NOL4: variants seen among roughly 807,000 people sequenced by gnomAD.
NOL4 encodes the protein cancer/testis antigen 125.
Under a neutral mutation model 75.9 loss-of-function variants are expected in NOL4, and 17 were observed. The observed-to-expected ratio is 0.22, with a 90% CI of 0.15 to 0.34. The LOEUF (loss-of-function observed/expected upper bound fraction) is 0.34, where lower values mean the gene tolerates loss of function less well. Ranked by LOEUF, NOL4 falls within the 10% of genes least tolerant of loss-of-function variation. The pLI is 1.00. For synonymous variants in NOL4, 292 were observed against 289.9 expected (o/e 1.01, Z -0.07); for missense variants, 614 against 793.5 (o/e 0.77, Z 2.72).
At chr18:33,905,136 T>C (rs2065958548) in intron 9 of NOL4, among the ~76,000 whole-genome samples, 1 of 152,184 alleles carries the variant, frequency 6.6e-6, no homozygotes, top group Non-Finnish European at 1.5e-5. Context: ...AACGAACTGA[T>C]ATTTTAAGAG....
At chr18:34,161,605 AT>A (rs574441552) in intron 1 of NOL4, among the ~76,000 whole-genome samples, 10 of 151,246 alleles carry the variant, frequency 6.6e-5, no homozygotes, top group Non-Finnish European at 1.5e-4. Flanking sequence ...TGATGTTGAG[AT>A]TTTTTTTTCA....
chr18:34,213,417 G>A (rs1208432046), intron 1 of NOL4, among the ~76,000 whole-genome samples: 1 of 152,178 alleles, frequency 6.6e-6, no homozygotes, highest in Non-Finnish European at 1.5e-5. Context: ...AGCTTCCTGA[G>A]TAGCTGGGAC....
chr18:34,206,913 C>T (rs1156948593), intron 1 of NOL4, among the ~76,000 whole-genome samples: 1 of 151,800 alleles, frequency 6.6e-6, no homozygotes, highest in African/African-American at 2.4e-5. Context: ...ATTTTTTCTA[C>T]TCTGTTTTTC....
chr18:33,917,526 C>G (rs936595587), intron 9 of NOL4, among the ~76,000 whole-genome samples: 1 of 152,058 alleles, frequency 6.6e-6, no homozygotes, highest in African/African-American at 2.4e-5. Flanking sequence ...ACAACAGGGT[C>G]TCACTGTTGC....
intron 5 of NOL4, among the ~76,000 whole-genome samples, chr18:34,063,108 C>T (rs1184134191): frequency 6.6e-6 from 1 of 151,990 alleles, no homozygotes; most frequent in Admixed American, 6.6e-5. Flanking sequence ...TCACTCATTG[C>T]TGGGTGAGGT....
intron 1 of NOL4, among the ~76,000 whole-genome samples, chr18:34,160,111 A>C (rs917272863): frequency 1.3e-5 from 2 of 152,214 alleles, no homozygotes; most frequent in African/African-American, 4.8e-5. Context: ...CTGGCAGCTA[A>C]GTCAACGGGG....
At chr18:33,998,519 T>C (rs1182327419) in intron 6 of NOL4, among the ~76,000 whole-genome samples, 1 of 152,160 alleles carries the variant, frequency 6.6e-6, no homozygotes, top group Non-Finnish European at 1.5e-5. Context: ...CCCAGCCTTT[T>C]CTTATATTTA....
chr18:33,852,651 G>A lies in NOL4; in HGVS notation c.*191C>T. The stretch of plus-strand genomic sequence containing the variant: ...GGCTGGACATACTAAAGTAGCTCAA[G>A]TACTTCAGAGGTCAGAGTTCCTTTG... On this transcript the variant is annotated 3_prime_UTR_variant, in exon 11 of 11. Coordinates refer to ENST00000261592, the MANE Select transcript of NOL4 (RefSeq NM_003787.5). The A allele has an allele frequency of 1.9e-6, 1 of 539,538 alleles. No homozygotes were observed. Among genetic ancestry groups the A allele is most frequent in the Non-Finnish European group, 3.3e-6 (1 of 306,762 alleles). The allele number at this position is 539,538 out of a possible 1,614,324, so 33.4% of individuals were successfully genotyped here. A position where few individuals can be genotyped will look rare whatever the true frequency, so the allele number is the denominator to read the frequency against.
intron 8 of NOL4, among the ~76,000 whole-genome samples, chr18:33,948,220 G>GT (rs1225694383): frequency 6.6e-6 from 1 of 151,938 alleles, no homozygotes; most frequent in Admixed American, 6.6e-5. Context: ...ACCCAAGGTT[G>GT]TAAGTAGAAT....
In NOL4 at chr18:34,139,070, T is replaced by TCCG. The variant is rs1248575418; in HGVS notation, c.265-9051_265-9050insCGG. On this transcript the variant is annotated intron_variant, in intron 1 of 10. Coordinates refer to ENST00000261592, the MANE Select transcript of NOL4 (RefSeq NM_003787.5). Reference sequence around the variant, plus strand: ...TAAGCTTTTTGATGTGCTGCTGGATTTGAATTGCCAGTATTTTATTGAGGA... The same window carrying TCCG: ...TAAGCTTTTTGATGTGCTGCTGGATTCCGTGAATTGCCAGTATTTTATTGAGGA... Among the ~76,000 whole-genome samples, 323 of 152,340 alleles carry TCCG rather than the reference T, an allele frequency of 2.1e-3. 8 individuals carry two copies. In the East Asian group the frequency reaches 0.056, roughly 26 times the overall value.
chr18:34,077,472 T>C (rs2077799818), intron 5 of NOL4, among the ~76,000 whole-genome samples: 1 of 152,034 alleles, frequency 6.6e-6, no homozygotes, highest in Non-Finnish European at 1.5e-5. Context: ...CATATAAAAA[T>C]GTGTATATAT....
At chr18:33,929,261 A>T (rs1306956736) in intron 9 of NOL4, among the ~76,000 whole-genome samples, 66 of 152,206 alleles carry the variant, frequency 4.3e-4, no homozygotes, top group Non-Finnish European at 1.0e-4. Flanking sequence ...TTTCCTCCAT[A>T]AGAAACTGCT....
intron 10 of NOL4, among the ~76,000 whole-genome samples, chr18:33,859,189 A>T (rs2062975536): frequency 6.6e-6 from 1 of 151,934 alleles, no homozygotes. Context: ...TGGTTCATTA[A>T]CTTTATATTT....
intron 5 of NOL4, among the ~76,000 whole-genome samples, chr18:34,086,934 T>A (rs967196557): frequency 7.2e-5 from 11 of 152,142 alleles, no homozygotes; most frequent in Admixed American, 5.2e-4. Context: ...TACAAACACA[T>A]ACATATACTA....
chr18:34,020,772 T>C (rs1432276036), intron 5 of NOL4, among the ~76,000 whole-genome samples: 3 of 152,034 alleles, frequency 2.0e-5, no homozygotes, highest in Admixed American at 1.3e-4. Flanking sequence ...AAAAAACACA[T>C]AGACAAAGAT....
Position 33,867,322 on chromosome 18 carries a change from T to C in NOL4, c.1724-14287A>G, listed in dbSNP as rs555330659. ...TTCAAGTTCAAACTCATTAGTAAAT[T>C]TTTACTATTTTCTTGAGTTATCAGT... On this transcript the variant is annotated intron_variant, in intron 10 of 10. Transcript: ENST00000261592. 5.9e-5 allele frequency among the ~76,000 whole-genome samples: 9 copies of C among 152,208 alleles called. No individual in the cohort carries two copies. In the East Asian group the frequency reaches 1.7e-3, roughly 29 times the overall value.
rs1283449819 is a variant in NOL4, at chr18:34,104,955, GT to G, written c.526+93del. 3.9e-6 allele frequency: 3 copies of G among 760,662 alleles called. No homozygotes were observed. In the African/African-American group the frequency reaches 5.2e-5, roughly 13 times the overall value. The allele number at this position is 760,662 out of a possible 1,614,324, so 47.1% of individuals were successfully genotyped here. ...ATGAGATGATCTGACTTGTTGAACTGTTTCAGTCTACCACGTTTTTATAAAA... is the reference window on the plus strand; with the variant it reads ...ATGAGATGATCTGACTTGTTGAACTGTTCAGTCTACCACGTTTTTATAAAA... On this transcript the variant is annotated intron_variant, in intron 3 of 10. Coordinates refer to ENST00000261592, the MANE Select transcript of NOL4 (RefSeq NM_003787.5).
At chr18:33,993,054 A>C (rs575791289) in intron 6 of NOL4, among the ~76,000 whole-genome samples, 4 of 152,116 alleles carry the variant, frequency 2.6e-5, no homozygotes, top group Non-Finnish European at 4.4e-5. Context: ...ACTGTAGGGC[A>C]GTTAAGTTTG....
intron 9 of NOL4, among the ~76,000 whole-genome samples, chr18:33,884,599 G>A (rs569605019): frequency 6.6e-6 from 1 of 151,016 alleles, no homozygotes; most frequent in Non-Finnish European, 1.5e-5. Context: ...CTTTCCTTCT[G>A]CATTCTTCAT....
Sources: allele counts gnomAD v4.1 joint callset (sites outside exome capture counted in the v4.1 genomes callset), GRCh38; gene constraint gnomAD v4.1.1; transcripts MANE v1.5; gene names NCBI Gene and HGNC (gene_info 2026-07-23, HGNC 2026-07-21).